Variants in TNR observed in about 807,000 individuals in gnomAD.
The protein encoded by TNR is tenascin R, also known as tenascin-R.
A neutral mutation model predicts 150.4 loss-of-function variants in TNR; 45 were observed. That is an observed-to-expected ratio of 0.30 (90% CI 0.24 to 0.38). The LOEUF is 0.38. Among genes scored for constraint, TNR ranks in the 10% least tolerant of loss-of-function variants. The pLI is 1.00. For synonymous variants in TNR, 687 were observed against 678.4 expected, an observed-to-expected ratio of 1.01 and a Z score of -0.20; for missense variants, 1,544 against 1,759.1, an observed-to-expected ratio of 0.88 and a Z score of 2.19.
intron 1 of TNR, among the ~76,000 whole-genome samples, chr1:175,644,347 T>C (rs1664749185): frequency 6.6e-6 from 1 of 152,220 alleles, no homozygotes; most frequent in African/African-American, 2.4e-5. Context: ...CAAGAATACG[T>C]TTCTCTATCC....
In TNR at chr1:175,695,446, A is replaced by G. The variant is rs372417077; in HGVS notation, c.-165+47780T>C. Among the ~76,000 whole-genome samples the G allele has an allele frequency of 5.3e-5, 8 of 151,990 alleles. 1 individual carries two copies. The South Asian group carries it at 1.7e-3, about 31-fold the overall frequency. ...CCACAATCCCTGACCCACAGAAACT[A>G]TGAGACAATAAATGTTTGTTGTTTT... On this transcript the variant is annotated intron_variant, in intron 1 of 22. Coordinates refer to ENST00000367674, the MANE Select transcript of TNR (RefSeq NM_003285.3).
Position 175,364,939 on chromosome 1 carries a change from A to C in TNR, c.2587+71T>G. ...ACTCCTTGGGTCTTTCTCTTTTAAA[A>C]TTTCATTGATTTGTCAAAGGCTACT... On this transcript the variant is annotated intron_variant, in intron 12 of 22. Coordinates refer to ENST00000367674, the MANE Select transcript of TNR (RefSeq NM_003285.3). 3.3e-6 allele frequency: 5 copies of C among 1,510,466 alleles called. 1 individual carries two copies. The South Asian group carries it at 4.0e-5, about 12-fold the overall frequency. The allele number at this position is 1,510,466 out of a possible 1,614,324, so 93.6% of individuals were successfully genotyped here. A position where few individuals can be genotyped will look rare whatever the true frequency, so the allele number is the denominator to read the frequency against.
At chr1:175,730,930 G>A (rs867829217) in intron 1 of TNR, among the ~76,000 whole-genome samples, 9 of 152,158 alleles carry the variant, frequency 5.9e-5, no homozygotes, top group Admixed American at 2.0e-4. Flanking sequence ...GACATGCTGG[G>A]TGACTCAGGT....
At chr1:175,411,281 G>C (rs1471459605) in intron 2 of TNR, among the ~76,000 whole-genome samples, 1 of 152,134 alleles carries the variant, frequency 6.6e-6, no homozygotes, top group African/African-American at 2.4e-5. Context: ...GTGTTGAAGA[G>C]GGGATGTTAA....
intron 1 of TNR, among the ~76,000 whole-genome samples, chr1:175,678,828 C>T (rs1020256196): frequency 3.9e-5 from 6 of 152,220 alleles, no homozygotes; most frequent in African/African-American, 1.4e-4. Context: ...TGGCCCTGCC[C>T]TTCTGGGAAG....
chr1:175,447,515 A>T (rs1656109172), intron 2 of TNR, among the ~76,000 whole-genome samples: 1 of 152,194 alleles, frequency 6.6e-6, no homozygotes, highest in Admixed American at 6.5e-5. Flanking sequence ...TGATAAAGTC[A>T]AACTTTTGGA....
intron 1 of TNR, among the ~76,000 whole-genome samples, chr1:175,542,672 C>A (rs527828132): frequency 6.6e-6 from 1 of 152,298 alleles, no homozygotes; most frequent in African/African-American, 2.4e-5. Context: ...ATTAAAAATG[C>A]TTTTGATGAG....
At chr1:175,559,512 A>G (rs1486221804) in intron 1 of TNR, among the ~76,000 whole-genome samples, 1 of 151,788 alleles carries the variant, frequency 6.6e-6, no homozygotes, top group Admixed American at 6.6e-5. Context: ...CATAACCACT[A>G]CTCTGGATTT....
intron 2 of TNR, among the ~76,000 whole-genome samples, chr1:175,449,829 T>G (rs920282047): frequency 3.3e-5 from 5 of 152,114 alleles, no homozygotes; most frequent in African/African-American, 1.2e-4. Flanking sequence ...CACTTTTCAT[T>G]TGAGATTTGA....
At chr1:175,667,673 T>A (rs1665571469) in intron 1 of TNR, among the ~76,000 whole-genome samples, 2 of 152,196 alleles carry the variant, frequency 1.3e-5, no homozygotes, top group Non-Finnish European at 2.9e-5. Context: ...GAGCAGCTGA[T>A]GTGTGGGATG....
At chr1:175,522,452 G>A (rs1659674668) in intron 2 of TNR, among the ~76,000 whole-genome samples, 1 of 152,162 alleles carries the variant, frequency 6.6e-6, no homozygotes, top group Non-Finnish European at 1.5e-5. Context: ...ATTGGGTGCG[G>A]CATATACTGC....
intron 9 of TNR, among the ~76,000 whole-genome samples, chr1:175,372,011 C>G (rs1332695774): frequency 6.6e-6 from 1 of 151,684 alleles, no homozygotes; most frequent in African/African-American, 2.4e-5. Flanking sequence ...GGGGGTGGAT[C>G]CCTCATGAAT....
At chr1:175,564,785 C>T (rs16848649) in intron 1 of TNR, among the ~76,000 whole-genome samples, 14,321 of 152,172 alleles carry the variant, frequency 0.094, 724 homozygotes, top group Middle Eastern at 0.14. Context: ...GCCCTGGGAA[C>T]CCAGATGGCT....
intron 2 of TNR, among the ~76,000 whole-genome samples, chr1:175,453,478 T>G (rs2102096061): frequency 6.6e-6 from 1 of 152,288 alleles, no homozygotes; most frequent in East Asian, 1.9e-4. Context: ...ACACACAGGT[T>G]TCTGCAAAGG....
chr1:175,499,652 C>G (rs114638396), intron 2 of TNR, among the ~76,000 whole-genome samples: 2,222 of 152,344 alleles, frequency 0.015, 33 homozygotes, highest in Middle Eastern at 0.037. Context: ...AATGGCTAAT[C>G]AAGCAAATTA....
intron 2 of TNR, among the ~76,000 whole-genome samples, chr1:175,442,348 G>A (rs1414656737): frequency 6.6e-6 from 1 of 152,140 alleles, no homozygotes; most frequent in Non-Finnish European, 1.5e-5. Context: ...AGTGGTAGGG[G>A]GCTTAAGTAG....
intron 1 of TNR, among the ~76,000 whole-genome samples, chr1:175,561,589 A>C (rs1426001476): frequency 6.6e-6 from 1 of 152,202 alleles, no homozygotes; most frequent in East Asian, 1.9e-4. Context: ...AGAGATGCTC[A>C]GTGGATCCCA....
intron 2 of TNR, among the ~76,000 whole-genome samples, chr1:175,471,287 C>T (rs892984657): frequency 1.3e-5 from 2 of 152,194 alleles, no homozygotes; most frequent in Non-Finnish European, 2.9e-5. Flanking sequence ...GTGATCACGT[C>T]AGTCTGTACT....
At chr1:175,435,142 G>A (rs1421683162) in intron 2 of TNR, among the ~76,000 whole-genome samples, 2 of 152,212 alleles carry the variant, frequency 1.3e-5, no homozygotes, top group African/African-American at 4.8e-5. Context: ...TCACTTGGCT[G>A]CTTATGCAGA....
Sources: gnomAD v4.1 joint callset for allele counts (sites outside exome capture counted in the v4.1 genomes callset) on GRCh38, gnomAD v4.1.1 for gene constraint, MANE v1.5 for transcripts, NCBI Gene and HGNC (gene_info 2026-07-23, HGNC 2026-07-21) for gene names.